Variants in CFAP70 observed in about 807,000 individuals in gnomAD.
CFAP70 encodes the protein cilia- and flagella-associated protein 70.
CFAP70 carries 81 observed loss-of-function variants against 137.6 expected under a neutral mutation model. The observed-to-expected ratio is 0.59, with a 90% confidence interval of 0.49 to 0.71. The LOEUF is 0.71. Among genes scored for constraint, CFAP70 ranks in the 30% least tolerant of loss-of-function variants. CFAP70 has a pLI of 0.00. For missense variants in CFAP70, 976 were observed against 1,226.7 expected (o/e 0.80, Z 3.05); for synonymous variants, 382 against 423.6 (o/e 0.90, Z 1.20).
rs970244383 is a variant in CFAP70 at position 73,304,059 on chromosome 10, A to AT, written c.1257-4395dup. 1.6e-3 allele frequency among the ~76,000 whole-genome samples: 241 copies of AT among 146,442 alleles called. 2 individuals are homozygous for AT. The highest frequency in any genetic ancestry group is 5.0e-3 in the African/African-American group (200 of 40,118). The stretch of plus-strand genomic sequence containing the variant: ...TTATTTTGTATGTCATTTATGGTAA[A>AT]TTTTTTTTTTTTGAGACAGAGTTTT... On this transcript the variant is annotated intron_variant, in intron 12 of 26. Transcript: ENST00000310715.
At position 73,277,320 on chromosome 10, in the gene CFAP70, C is replaced by T. The variant is rs904719105; in HGVS notation, c.2440G>A (p.Gly814Ser). Residue 814 changes from glycine to serine, a missense_variant, in exon 21 of 27, where the codon GGC (glycine) becomes AGC (serine). By Grantham distance (56) the Gly-to-Ser change is moderately conservative (BLOSUM62 0). Coordinates refer to ENST00000310715, the Ensembl canonical transcript of CFAP70. ...GTTTGAGAAACACCATAATGAAGGC[C>T]GGGATGCAGAAGAGCTGATGAATCT... 22 of 1,613,750 alleles carry T rather than the reference C, an allele frequency of 1.4e-5. No individual in the cohort carries two copies. The African/African-American group carries it at 1.5e-4, about 11-fold the overall frequency.
rs187460804 is a variant in CFAP70 at position 73,307,270 on chromosome 10, A to G, written c.1256+2888T>C. 6.6e-5 allele frequency among the ~76,000 whole-genome samples: 10 copies of G among 152,340 alleles called. No homozygotes were observed. In the East Asian group the frequency reaches 1.9e-3, roughly 29 times the overall value. On this transcript the variant is annotated intron_variant, in intron 12 of 26. Coordinates refer to ENST00000310715, the Ensembl canonical transcript of CFAP70. ...GCATACTGCAAAAAATCAGCTAAAT[A>G]TAAAAAGGCAGCAATAAAGGAACTG...
chr10:73,289,215 C>A (rs2047971477), intron 19 of CFAP70, among the ~76,000 whole-genome samples: 2 of 152,032 alleles, frequency 1.3e-5, no homozygotes, highest in Admixed American at 1.3e-4. Flanking sequence ...AAAAGAGCAA[C>A]ATTTCAAACT....
At chr10:73,304,667 A>T (rs2049232054) in intron 12 of CFAP70, among the ~76,000 whole-genome samples, 1 of 152,158 alleles carries the variant, frequency 6.6e-6, no homozygotes, top group Non-Finnish European at 1.5e-5. Context: ...TTGGAAGGCA[A>T]TTTGGGGATA....
intron 13 of CFAP70, among the ~76,000 whole-genome samples, chr10:73,299,376 C>T (rs1243981816): frequency 6.6e-6 from 1 of 152,078 alleles, no homozygotes; most frequent in Non-Finnish European, 1.5e-5. Flanking sequence ...CCCAGTAATA[C>T]TTTAAATGTA....
chr10:73,297,159 C>A (rs375644771), exon 15 of CFAP70: 60 of 1,612,818 alleles, frequency 3.7e-5, no homozygotes, highest in African/African-American at 5.3e-5. Context: ...CTCTCACAAT[C>A]TTTACCACAG....
intron 9 of CFAP70, among the ~76,000 whole-genome samples, chr10:73,321,342 C>T (rs1030471274): frequency 4.6e-5 from 7 of 152,028 alleles, no homozygotes; most frequent in Non-Finnish European, 5.9e-5. Flanking sequence ...TGCTTGAACC[C>T]GGGAGAAAGA....
At chr10:73,317,559 T>G (rs912738183) in intron 9 of CFAP70, among the ~76,000 whole-genome samples, 3 of 152,202 alleles carry the variant, frequency 2.0e-5, no homozygotes, top group Non-Finnish European at 4.4e-5. Flanking sequence ...TGTGTGCTGA[T>G]CCTAACTGGG....
chr10:73,330,560 A>G (rs11000609), intron 8 of CFAP70, among the ~76,000 whole-genome samples: 16,066 of 151,966 alleles, frequency 0.11, 1,229 homozygotes, highest in East Asian at 0.3. Context: ...TTACCTAGTG[A>G]TAGTATTTTT....
chr10:73,300,620 C>T (rs7096569), intron 12 of CFAP70, among the ~76,000 whole-genome samples: 16,073 of 152,024 alleles, frequency 0.11, 1,228 homozygotes, highest in East Asian at 0.3. Context: ...CCTAGCACTT[C>T]GAGAGGCCGA....
chr10:73,273,392 A>G (rs968952261), intron 23 of CFAP70, among the ~76,000 whole-genome samples: 27 of 152,298 alleles, frequency 1.8e-4, no homozygotes, highest in African/African-American at 6.5e-4. Flanking sequence ...CAAACATACA[A>G]TCTCTGGACT....
intron 26 of CFAP70, among the ~76,000 whole-genome samples, chr10:73,256,109 A>C (rs1420528036): frequency 6.6e-6 from 1 of 152,220 alleles, no homozygotes; most frequent in Non-Finnish European, 1.5e-5. Context: ...CCAGAATCAT[A>C]ATTCAGGTTG....
In CFAP70 at chr10:73,273,650, A is replaced by G. The variant is rs547700397; in HGVS notation, c.2836-633T>C. Among the ~76,000 whole-genome samples the G allele has an allele frequency of 1.2e-4, 18 of 152,322 alleles. No individual in the cohort carries two copies. In the South Asian group the frequency reaches 3.5e-3, roughly 30 times the overall value. ...CAGCTTTCAATGACATCAGAAAGAA[A>G]ACTTCTCCTTATATACTTCACTACA... On this transcript the variant is annotated intron_variant, in intron 23 of 26. Transcript: ENST00000310715.
At chr10:73,305,510 AG>A (rs1227117710) in intron 12 of CFAP70, among the ~76,000 whole-genome samples, 4 of 152,224 alleles carry the variant, frequency 2.6e-5, no homozygotes, top group Non-Finnish European at 5.9e-5. Context: ...CAGGAAGAAA[AG>A]GCTGAGGCAG....
chr10:73,300,829 C>T (rs549565306), intron 12 of CFAP70, among the ~76,000 whole-genome samples: 122 of 152,212 alleles, frequency 8.0e-4, no homozygotes, highest in Non-Finnish European at 1.3e-3. Flanking sequence ...CACTGCATTC[C>T]AGCCTGGGCC....
At chr10:73,348,724 A>G (rs1589590227) in intron 3 of CFAP70, among the ~76,000 whole-genome samples, 1 of 152,238 alleles carries the variant, frequency 6.6e-6, no homozygotes, top group Non-Finnish European at 1.5e-5. Context: ...GCAAGTTATA[A>G]TAAGAAATGG....
chr10:73,311,787 G>C, intron 11 of CFAP70, 47 bp downstream of exon 12: 1 of 1,382,054 alleles, frequency 7.2e-7, no homozygotes, highest in Non-Finnish European at 1.0e-6. Flanking sequence ...GCTTAATAAA[G>C]GTCTGGTTAA....
intron 1 of CFAP70, among the ~76,000 whole-genome samples, chr10:73,355,120 CA>C (rs1363232941): frequency 1.3e-5 from 2 of 152,204 alleles, no homozygotes; most frequent in Admixed American, 1.3e-4. Flanking sequence ...TACCCTACAT[CA>C]GGGGTCCCCA....
At chr10:73,265,027 C>T (rs574866850) in intron 25 of CFAP70, among the ~76,000 whole-genome samples, 8 of 152,264 alleles carry the variant, frequency 5.3e-5, no homozygotes, top group African/African-American at 1.9e-4. Context: ...CTTCTTTTTG[C>T]ACTAAAGAAG....
Sources: gnomAD v4.1 joint callset for allele counts (sites outside exome capture counted in the v4.1 genomes callset) on GRCh38, gnomAD v4.1.1 for gene constraint, MANE v1.5 for transcripts, NCBI Gene and HGNC (gene_info 2026-07-23, HGNC 2026-07-21) for gene names.